Variants in INKA2 observed in about 807,000 individuals in gnomAD.
INKA2 encodes the protein PAK4-inhibitor INKA2.
A neutral mutation model predicts 9.8 loss-of-function variants in INKA2; 3 were observed. The observed-to-expected ratio is 0.31, with a 90% CI of 0.14 to 0.79. INKA2 has a LOEUF of 0.79. Ranked by LOEUF, INKA2 falls within the 30% of genes least tolerant of loss-of-function variation. INKA2 has a pLI of 0.62. For synonymous variants in INKA2, 147 were observed against 143.3 expected (o/e 1.03, Z -0.18); for missense variants, 392 against 384.4 (o/e 1.02, Z -0.17).
At chr1:111,736,013 C>T (rs1354694107) in intron 1 of INKA2, among the ~76,000 whole-genome samples, 1 of 152,244 alleles carries the variant, frequency 6.6e-6, no homozygotes, top group African/African-American at 2.4e-5. Flanking sequence ...CATCGTACAT[C>T]TGCCTCCTCT....
At chr1:111,738,548 G>A (rs1310184240) in intron 1 of INKA2, among the ~76,000 whole-genome samples, 12 of 152,066 alleles carry the variant, frequency 7.9e-5, no homozygotes, top group Admixed American at 7.9e-4. Context: ...CTCCAGCGCA[G>A]GGCCCTCCCC....
intron 1 of INKA2, among the ~76,000 whole-genome samples, chr1:111,750,969 C>A (rs1035840872): frequency 1.3e-5 from 2 of 152,148 alleles, no homozygotes; most frequent in Admixed American, 1.3e-4. Context: ...CATGCTTCCA[C>A]GCCTCTACAC....
intron 1 of INKA2, among the ~76,000 whole-genome samples, chr1:111,728,465 C>T (rs956974545): frequency 2.0e-5 from 3 of 152,142 alleles, no homozygotes; most frequent in Admixed American, 2.0e-4. Flanking sequence ...GACTCAAACA[C>T]GGTACTGTCC....
chr1:111,739,080 C>T, intron 1 of INKA2, 106 bp downstream of exon 1: 1 of 1,111,058 alleles, frequency 9.0e-7, no homozygotes, highest in South Asian at 1.3e-5. Flanking sequence ...TTCCCTGGCC[C>T]TCCTCCGCCC....
At chr1:111,739,490 TGGGCAGGGCGGCCGGGAGGCC>T, upstream of INKA2, 3 of 1,302,100 alleles carry the variant, frequency 2.3e-6, no homozygotes, top group East Asian at 2.9e-5. Flanking sequence ...CTTCAGCCAA[TGGGCAGGGCGGCCGGGAGGCC>T]GGGCTGGGCG....
intron 1 of INKA2, chr1:111,746,063 C>T (rs752963192): frequency 6.6e-6 from 1 of 152,198 alleles, no homozygotes; most frequent in Non-Finnish European, 1.5e-5. Flanking sequence ...TTTTCAGGAG[C>T]CAGAGAATTC....
At chr1:111,750,731 A>G (rs1663388689) in intron 1 of INKA2, among the ~76,000 whole-genome samples, 1 of 152,178 alleles carries the variant, frequency 6.6e-6, no homozygotes, top group African/African-American at 2.4e-5. Flanking sequence ...TCTGCAAGTT[A>G]AGATCCAAAC....
At chr1:111,750,575 G>A (rs1351388528) in intron 1 of INKA2, among the ~76,000 whole-genome samples, 1 of 152,200 alleles carries the variant, frequency 6.6e-6, no homozygotes, top group South Asian at 2.1e-4. Flanking sequence ...TAAGCAGCAT[G>A]TACATAGGGG....
intron 1 of INKA2, among the ~76,000 whole-genome samples, chr1:111,735,540 G>A (rs1428520675): frequency 6.6e-6 from 1 of 152,126 alleles, no homozygotes; most frequent in Admixed American, 6.5e-5. Flanking sequence ...ACTGAAGTTG[G>A]CCTGACCCCA....
chr1:111,725,858 A>G lies in INKA2; in HGVS notation c.*1110T>C, dbSNP rs197432. On this transcript the variant is annotated 3_prime_UTR_variant, in exon 2 of 2. Transcript: ENST00000357260. ...AGCAATTCTCCTGCCTCAGCCTCCC[A>G]AGTAGCTGGGTTTACAGGCGTGTGC... 0.69 allele frequency: 220,351 copies of G among 320,490 alleles called. 76,019 individuals are homozygous for G. The highest frequency in any genetic ancestry group is 0.77 in the South Asian group (4,790 of 6,254). 19.9% of individuals were successfully genotyped at this position (320,490 alleles called of 1,614,324 possible). A position where few individuals can be genotyped will look rare whatever the true frequency, so the allele number is the denominator to read the frequency against.
exon 1 of INKA2, chr1:111,755,796 C>T: frequency 1.9e-6 from 3 of 1,608,942 alleles, no homozygotes; most frequent in South Asian, 1.1e-5. Flanking sequence ...ACTCCCGTCC[C>T]TTTCTTCCAC....
rs758026297 is a variant in INKA2 at position 111,727,793 on chromosome 1, C to T, written c.69G>A (p.Lys23=). The T allele has an allele frequency of 5.0e-6, 8 of 1,605,736 alleles. No individual in the cohort carries two copies. The African/African-American group carries it at 9.3e-5, about 19-fold the overall frequency. The part of the protein sequence containing the change: ...RRLKQELMSM[K]EVGDGLQDQM... ...GATCCTGTAAGCCATCACCCACCTC[C>T]TTCATGGACATCTGCAGGGGAGAGA... Residue 23 remains lysine, a synonymous_variant, in exon 2 of 2, where the codon AAG becomes AAA. Coordinates refer to ENST00000357260, the MANE Select transcript of INKA2 (RefSeq NM_019099.5).
rs71714685 is a variant in INKA2 at position 111,724,565 on chromosome 1, GCA to G, written c.*2401_*2402del. 27,868 of 143,912 alleles carry G rather than the reference GCA, an allele frequency of 0.19. 2,597 individuals carry two copies. The highest frequency in any genetic ancestry group is 0.27 in the Admixed American group (3,862 of 14,428). 8.9% of individuals were successfully genotyped at this position (143,912 alleles called of 1,614,324 possible). On this transcript the variant is annotated 3_prime_UTR_variant, in exon 2 of 2. Transcript: ENST00000357260. The stretch of plus-strand genomic sequence containing the variant: ...ACATGCAGTTTCTTAGCACGCGCAG[GCA>G]CACACACACACACACACACACACAC...
chr1:111,722,885 T>A lies in INKA2; in HGVS notation c.*4083A>T. The A allele has an allele frequency of 1.8e-6, 1 of 549,264 alleles. No homozygotes were observed. The highest frequency in any genetic ancestry group is 3.2e-6 in the Non-Finnish European group (1 of 309,350). 34.0% of individuals were successfully genotyped at this position (549,264 alleles called of 1,614,324 possible). A position where few individuals can be genotyped will look rare whatever the true frequency, so the allele number is the denominator to read the frequency against. On this transcript the variant is annotated 3_prime_UTR_variant, in exon 2 of 2. Coordinates refer to ENST00000357260, the MANE Select transcript of INKA2 (RefSeq NM_019099.5). ...TACTAAGGGGATGGGTTGTCCAGTA[T>A]CTGCTGAGCTTCTGCTGTATTCCAG... is the stretch of plus-strand genomic sequence containing the variant.
At chr1:111,738,333 G>A (rs1663050559) in intron 1 of INKA2, among the ~76,000 whole-genome samples, 2 of 152,044 alleles carry the variant, frequency 1.3e-5, no homozygotes, top group South Asian at 4.1e-4. Flanking sequence ...AAGCCAGTGA[G>A]AATCAACCTG....
At position 111,733,731 on chromosome 1, in the gene INKA2, G is replaced by T. The variant is rs148538162; in HGVS notation, c.57+5455C>A. Among the ~76,000 whole-genome samples, 292 of 152,248 alleles carry T rather than the reference G, an allele frequency of 1.9e-3. 2 individuals carry two copies. The highest frequency in any genetic ancestry group is 2.4e-3 in the Non-Finnish European group (162 of 68,024). On this transcript the variant is annotated intron_variant, in intron 1 of 1. Transcript: ENST00000357260. The stretch of plus-strand genomic sequence containing the variant: ...GCACCCTCCCCCTGGGCCCTCTTGG[G>T]GCTCTTTGTGGTGAGGGAGGAGCAG...
At position 111,729,521 on chromosome 1, in the gene INKA2, G is replaced by A. The variant is rs190735817; in HGVS notation, c.58-1717C>T. Among the ~76,000 whole-genome samples, 540 of 152,322 alleles carry A rather than the reference G, an allele frequency of 3.5e-3. 13 individuals are homozygous for A. Among genetic ancestry groups the A allele is most frequent in the Admixed American group, 0.034 (522 of 15,308 alleles). Reference sequence around the variant, plus strand: ...TAATTTGGAGGCTGCAGCGGGGCGGGGTGGGGGCTGTGTCTGATAACATTC... The same window carrying A: ...TAATTTGGAGGCTGCAGCGGGGCGGAGTGGGGGCTGTGTCTGATAACATTC... On this transcript the variant is annotated intron_variant, in intron 1 of 1. Coordinates refer to ENST00000357260, the MANE Select transcript of INKA2 (RefSeq NM_019099.5).
chr1:111,727,592 G>A lies in INKA2; in HGVS notation c.270C>T (p.Val90=), dbSNP rs1299457228. 6.2e-7 allele frequency: 1 copy of A among 1,611,438 alleles called. No individual in the cohort carries two copies. The highest frequency in any genetic ancestry group is 1.7e-5 in the Admixed American group (1 of 59,802). Residue 90 remains valine (V), a synonymous_variant, in exon 2 of 2, where the codon GTC becomes GTT. Transcript: ENST00000357260. ...EGGRGPARPT[V]CSPSSQPSLG... ...GAGAAGGTTGACTGGAGGGGGAACA[G>A]ACTGTGGGCCTGGCAGGACCTCTGC...
At chr1:111,737,776 G>A (rs2101374324) in intron 1 of INKA2, among the ~76,000 whole-genome samples, 1 of 152,312 alleles carries the variant, frequency 6.6e-6, no homozygotes, top group Non-Finnish European at 1.5e-5. Context: ...ACCACAGAAA[G>A]GGCTCCAGGA....
Sources: gnomAD v4.1 joint callset for allele counts (sites outside exome capture counted in the v4.1 genomes callset) on GRCh38, gnomAD v4.1.1 for gene constraint, MANE v1.5 for transcripts, NCBI Gene and HGNC (gene_info 2026-07-23, HGNC 2026-07-21) for gene names.